SYNPR: variants seen among roughly 807,000 people sequenced by gnomAD.
SYNPR encodes synaptoporin.
A neutral mutation model predicts 32.9 loss-of-function variants in SYNPR; 23 were observed. The ratio of observed to expected loss-of-function variants is 0.70; its 90% CI spans 0.50 to 0.99. The LOEUF is 0.99. Among genes scored for constraint, SYNPR ranks in the 50% least tolerant of loss-of-function variants. SYNPR has a pLI of 0.00. For missense variants in SYNPR, 318 were observed against 349.3 expected (o/e 0.91, Z 0.71); for synonymous variants, 146 against 135.9 (o/e 1.07, Z -0.52).
At chr3:63,598,379 C>A (rs544645942) in intron 4 of SYNPR, among the ~76,000 whole-genome samples, 3 of 152,082 alleles carry the variant, frequency 2.0e-5, no homozygotes, top group Non-Finnish European at 4.4e-5. Flanking sequence ...TTGCTAACAG[C>A]AACTTATGAA....
At chr3:63,610,698 T>A (rs1700185265) in intron 5 of SYNPR, 1 of 420,840 alleles carries the variant, frequency 2.4e-6, no homozygotes, top group South Asian at 9.7e-5. Flanking sequence ...TAGACAGTAT[T>A]TAATGAAAGC....
rs573078376 is a variant in SYNPR at position 63,517,449 on chromosome 3, C to CA, written c.209+36499dup. 5.9e-5 allele frequency among the ~76,000 whole-genome samples: 9 copies of CA among 151,980 alleles called. No individual in the cohort carries two copies. In the East Asian group the frequency reaches 1.2e-3, roughly 20 times the overall value. On this transcript the variant is annotated intron_variant, in intron 3 of 5. Coordinates refer to ENST00000478300, the MANE Select transcript of SYNPR (RefSeq NM_001130003.2). ...TTAAGTGAATTTGTACTGAAAAGCA[C>CA]AAAAAAGATAGAAAAACGGACACTT... is the stretch of plus-strand genomic sequence containing the variant.
At chr3:63,556,004 C>T (rs1057159201) in intron 3 of SYNPR, among the ~76,000 whole-genome samples, 1 of 152,058 alleles carries the variant, frequency 6.6e-6, no homozygotes, top group Non-Finnish European at 1.5e-5. Context: ...TGTCTGAATG[C>T]CAAGGAGGCA....
chr3:63,372,179 A>G (rs896814178), intron 2 of SYNPR, among the ~76,000 whole-genome samples: 21 of 151,544 alleles, frequency 1.4e-4, no homozygotes, highest in African/African-American at 5.1e-4. Context: ...GAGAAAAAAC[A>G]AAAACACATA....
intron 5 of SYNPR, among the ~76,000 whole-genome samples, chr3:63,611,970 A>G (rs1477460960): frequency 2.6e-5 from 4 of 152,354 alleles, no homozygotes; most frequent in South Asian, 2.1e-4. Flanking sequence ...CCATACCACA[A>G]TAAATGACCT....
At chr3:63,576,444 T>C (rs1393858409) in intron 4 of SYNPR, among the ~76,000 whole-genome samples, 1 of 152,082 alleles carries the variant, frequency 6.6e-6, no homozygotes, top group Admixed American at 6.6e-5. Flanking sequence ...AACTGTATCA[T>C]CATTGTTCTT....
chr3:63,585,454 C>CCA (rs1703167382), intron 4 of SYNPR, among the ~76,000 whole-genome samples: 3 of 109,142 alleles, frequency 2.7e-5, no homozygotes, highest in Admixed American at 8.2e-5. Context: ...TCCATGCCCC[C>CCA]CCCCTCCGCC....
intron 4 of SYNPR, among the ~76,000 whole-genome samples, chr3:63,592,804 T>C (rs1699861922): frequency 6.6e-6 from 1 of 152,116 alleles, no homozygotes. Context: ...TTAGCTATAA[T>C]ATGTCACTGA....
intron 1 of SYNPR, among the ~76,000 whole-genome samples, chr3:63,237,516 T>C (rs2086208470): frequency 6.6e-6 from 1 of 152,226 alleles, no homozygotes; most frequent in African/African-American, 2.4e-5. Context: ...GTCATTTAAT[T>C]CTAACACCTG....
chr3:63,545,800 C>T (rs187765537), intron 3 of SYNPR, among the ~76,000 whole-genome samples: 5 of 152,116 alleles, frequency 3.3e-5, no homozygotes, highest in Admixed American at 1.3e-4. Context: ...ATAAATAGCA[C>T]GTTTTGACTG....
chr3:63,239,161 CAT>C (rs1443080308), intron 1 of SYNPR, among the ~76,000 whole-genome samples: 2 of 152,216 alleles, frequency 1.3e-5, no homozygotes, highest in Middle Eastern at 3.4e-3. Context: ...GTGGATTCAA[CAT>C]ATGTCTTTGC....
intron 2 of SYNPR, among the ~76,000 whole-genome samples, chr3:63,397,196 G>A (rs2088227265): frequency 6.6e-6 from 1 of 152,046 alleles, no homozygotes; most frequent in South Asian, 2.1e-4. Context: ...GCAGAGAAGA[G>A]AAAGTGCTGT....
chr3:63,306,178 G>A (rs1560186101), intron 2 of SYNPR, among the ~76,000 whole-genome samples: 1 of 151,950 alleles, frequency 6.6e-6, no homozygotes, highest in Non-Finnish European at 1.5e-5. Context: ...AGGAGGCAAG[G>A]ACTGCTGTCT....
At chr3:63,386,631 T>TTCCTTC (rs1560212989) in intron 2 of SYNPR, among the ~76,000 whole-genome samples, 3 of 79,078 alleles carry the variant, frequency 3.8e-5, no homozygotes, top group African/African-American at 6.7e-5. Context: ...TTCCTTCCTT[T>TTCCTTC]CTTTATTTTC....
intron 2 of SYNPR, among the ~76,000 whole-genome samples, chr3:63,260,875 G>GAA (rs202160886): frequency 2.1e-4 from 31 of 144,636 alleles, no homozygotes; most frequent in African/African-American, 7.9e-4. Context: ...AAATTTACAA[G>GAA]AAAAAAAAAA....
chr3:63,603,216 G>T (rs2106895198), intron 4 of SYNPR, among the ~76,000 whole-genome samples: 1 of 152,288 alleles, frequency 6.6e-6, no homozygotes, highest in Admixed American at 6.5e-5. Context: ...CTTTGCCGAA[G>T]TTGTCTGTCA....
intron 3 of SYNPR, among the ~76,000 whole-genome samples, chr3:63,515,214 TTATGA>T (rs1344474591): frequency 6.6e-6 from 1 of 152,108 alleles, no homozygotes; most frequent in Non-Finnish European, 1.5e-5. Context: ...ATCTGCGAGC[TTATGA>T]TATATCAGAC....
intron 3 of SYNPR, among the ~76,000 whole-genome samples, chr3:63,526,013 T>C (rs1575692370): frequency 1.3e-5 from 2 of 152,166 alleles, no homozygotes; most frequent in East Asian, 3.9e-4. Context: ...GCCAGTGTGC[T>C]TAGAGAGCAC....
the SYNPR span, among the ~76,000 whole-genome samples, chr3:63,211,672 T>G: frequency 6.6e-6 from 1 of 151,776 alleles, no homozygotes; most frequent in Non-Finnish European, 1.5e-5. Context: ...AGCACTCTGC[T>G]GAGAAATCAG....
Sources: allele counts gnomAD v4.1 joint callset (sites outside exome capture counted in the v4.1 genomes callset), GRCh38; gene constraint gnomAD v4.1.1; transcripts MANE v1.5; gene names NCBI Gene and HGNC (gene_info 2026-07-23, HGNC 2026-07-21).